Variants in TARS1 observed in about 807,000 individuals in gnomAD.
TARS1 encodes the protein threonine--tRNA ligase 1, cytoplasmic.
TARS1 carries 57 observed loss-of-function variants against 97.7 expected under a neutral mutation model. The observed-to-expected ratio is 0.58, with a 90% CI of 0.47 to 0.73. TARS1 has a LOEUF of 0.73. TARS1 is among the 30% of genes least tolerant of loss of function. The pLI, the probability that TARS1 is intolerant of heterozygous loss-of-function variation, is 0.00. For missense variants in TARS1, 806 were observed against 888.3 expected (o/e 0.91, Z 1.18); for synonymous variants, 312 against 293.7 (o/e 1.06, Z -0.64).
At position 33,461,781 on chromosome 5, in the gene TARS1, A is replaced by C. The variant is rs760113951; in HGVS notation, c.1629+37A>C. 6 of 1,604,274 alleles carry C rather than the reference A, an allele frequency of 3.7e-6. No individual in the cohort carries two copies. The East Asian group carries it at 1.1e-4, about 30-fold the overall frequency. On this transcript the variant is annotated intron_variant, in intron 14 of 18. Transcript: ENST00000265112. The stretch of plus-strand genomic sequence containing the variant: ...AGTACATTTGGGTAATATGATTTTC[A>C]CTTGTGGATGAAGAAGATACGACTT...
intron 8 of TARS1, among the ~76,000 whole-genome samples, chr5:33,456,777 G>T (rs1742037137): frequency 6.6e-6 from 1 of 152,164 alleles, no homozygotes; most frequent in Admixed American, 6.5e-5. Context: ...CAGTTTTGGG[G>T]GTATTGGGGT....
chr5:33,462,027 C>G (rs1742317609), intron 15 of TARS1, 21 bp downstream of exon 15: 16 of 1,610,460 alleles, frequency 9.9e-6, no homozygotes, highest in Non-Finnish European at 1.3e-5. Context: ...GGTGTCTGCT[C>G]TGAATATTCT....
intron 1 of TARS1, among the ~76,000 whole-genome samples, chr5:33,443,155 G>T (rs1244458975): frequency 6.6e-6 from 1 of 152,160 alleles, no homozygotes; most frequent in Non-Finnish European, 1.5e-5. Context: ...TGTAGAAAAG[G>T]GGTCATAGGC....
chr5:33,459,285 G>T (rs1022246694), intron 10 of TARS1, among the ~76,000 whole-genome samples: 9 of 151,996 alleles, frequency 5.9e-5, no homozygotes, highest in Non-Finnish European at 1.0e-4. Flanking sequence ...CCATGTATTT[G>T]TACCCTTAAA....
At chr5:33,455,854 T>C in intron 6 of TARS1, 148 bp from the exon 7 acceptor site, 1 of 995,522 alleles carries the variant, frequency 1.0e-6, no homozygotes. Context: ...TTAATTTCAT[T>C]TTTTTCCTAG....
intron 16 of TARS1, among the ~76,000 whole-genome samples, chr5:33,462,996 G>A (rs1170098559): frequency 6.6e-6 from 1 of 152,220 alleles, no homozygotes; most frequent in Non-Finnish European, 1.5e-5. Flanking sequence ...CAGATAAAAT[G>A]TGAGACACAT....
intron 3 of TARS1, chr5:33,452,468 A>T: frequency 6.6e-7 from 1 of 1,509,850 alleles, no homozygotes; most frequent in Non-Finnish European, 8.9e-7. Context: ...AAGCCTTTCC[A>T]GATGACTCTG....
At chr5:33,452,849 G>A (rs1741810481) in intron 3 of TARS1, among the ~76,000 whole-genome samples, 1 of 151,730 alleles carries the variant, frequency 6.6e-6, no homozygotes, top group Admixed American at 6.6e-5. Context: ...AAAACTCGGT[G>A]TGGTGACTTG....
At chr5:33,456,880 A>G (rs1338146714) in intron 8 of TARS1, among the ~76,000 whole-genome samples, 1 of 152,252 alleles carries the variant, frequency 6.6e-6, no homozygotes, top group African/African-American at 2.4e-5. Context: ...AGATCGTGCC[A>G]CTGCACTCCA....
intron 18 of TARS1, 127 bp from the exon 19 acceptor site, chr5:33,467,433 A>G (rs1057370377): frequency 1.6e-5 from 16 of 1,024,890 alleles, no homozygotes; most frequent in Non-Finnish European, 2.1e-5. Flanking sequence ...GGTCACTTGT[A>G]CCTTTTAATG....
At chr5:33,456,906 C>T (rs968988220) in intron 8 of TARS1, among the ~76,000 whole-genome samples, 1 of 152,222 alleles carries the variant, frequency 6.6e-6, no homozygotes, top group Non-Finnish European at 1.5e-5. Flanking sequence ...AAGCAGTCCT[C>T]CTGCCTTAGC....
At position 33,441,034 on chromosome 5, in the gene TARS1, C is replaced by T. The variant is rs1263817441; in HGVS notation, c.-53C>T. 9.3e-6 allele frequency: 15 copies of T among 1,612,358 alleles called. No individual in the cohort carries two copies. The highest frequency in any genetic ancestry group is 1.7e-5 in the Admixed American group (1 of 59,964). On this transcript the variant is annotated 5_prime_UTR_variant, in exon 1 of 19. Coordinates refer to ENST00000265112, the MANE Select transcript of TARS1 (RefSeq NM_152295.5). ...CCCACCTCCCACCCGCCTCTTGGCT[C>T]CTCTCCTCTAGGCCGTCGCTTTCGG...
intron 16 of TARS1, among the ~76,000 whole-genome samples, chr5:33,462,935 A>G (rs866412955): frequency 2.0e-5 from 3 of 152,246 alleles, no homozygotes; most frequent in Non-Finnish European, 4.4e-5. Flanking sequence ...AAATTAGGAC[A>G]GTTTCTCATT....
intron 10 of TARS1, among the ~76,000 whole-genome samples, chr5:33,459,214 G>T (rs1742175406): frequency 2.6e-5 from 4 of 151,992 alleles, no homozygotes; most frequent in Non-Finnish European, 4.4e-5. Flanking sequence ...CAGTTTTCTA[G>T]AAGAAACTAC....
chr5:33,463,143 C>T (rs1242377623), intron 16 of TARS1, among the ~76,000 whole-genome samples: 2 of 152,132 alleles, frequency 1.3e-5, no homozygotes, highest in African/African-American at 4.8e-5. Flanking sequence ...AACAGAACAA[C>T]TGAAAATAGA....
At position 33,458,665 on chromosome 5, in the gene TARS1, G is replaced by A. The variant is rs375631989; in HGVS notation, c.1083+1G>A. 6.2e-7 allele frequency: 1 copy of A among 1,605,096 alleles called. No homozygotes were observed. The highest frequency in any genetic ancestry group is 1.7e-5 in the Admixed American group (1 of 59,004). ...TAATGCACTTATTGAATTCATTAGG[G>A]TAAGTCATATTTATTGCTTTCTTCT... On this transcript the variant is annotated splice_donor_variant, in intron 10 of 18. Coordinates refer to ENST00000265112, the MANE Select transcript of TARS1 (RefSeq NM_152295.5). LOFTEE classifies it high-confidence loss of function.
At position 33,453,405 on chromosome 5, in the gene TARS1, C is replaced by T. The variant is rs1371940587; in HGVS notation, c.446C>T (p.Ala149Val). 2 of 1,613,142 alleles carry T rather than the reference C, an allele frequency of 1.2e-6. No individual in the cohort carries two copies. Residue 149 changes from alanine (A) to valine (V), a missense_variant, in exon 4 of 19, where the codon GCT (alanine) becomes GTT (valine). This residue lies in a region of TARS1 where 356 missense variants were observed against 357.8 expected (regional missense o/e 0.99). Transcript: ENST00000265112. ...LELLKFEDEE[A>V]QAVYWHSSAH... Reference sequence around the variant, plus strand: ...CTTCTCAAGTTTGAGGATGAGGAAGCTCAGGCAGTAAGTTGCTGATTAGTA... The same window carrying T: ...CTTCTCAAGTTTGAGGATGAGGAAGTTCAGGCAGTAAGTTGCTGATTAGTA...
intron 15 of TARS1, 38 bp from the exon 16 acceptor site, chr5:33,462,061 T>C: frequency 1.9e-6 from 3 of 1,600,550 alleles, no homozygotes; most frequent in East Asian, 2.2e-5. Context: ...AGAGAAAATA[T>C]ATATAATAAG....
At chr5:33,443,360 T>TCTCA (rs1358573103) in intron 1 of TARS1, among the ~76,000 whole-genome samples, 1 of 138,180 alleles carries the variant, frequency 7.2e-6, no homozygotes, top group Non-Finnish European at 1.6e-5. Context: ...TCTCTCTCTC[T>TCTCA]CACTACCCCT....
Sources: gnomAD v4.1 joint callset for allele counts (sites outside exome capture counted in the v4.1 genomes callset) on GRCh38, gnomAD v4.1.1 for gene constraint, gnomAD v4.1.1 regional missense constraint, MANE v1.5 for transcripts, NCBI Gene and HGNC (gene_info 2026-07-23, HGNC 2026-07-21) for gene names.